Variants in SVEP1 observed in about 807,000 individuals in gnomAD.
The protein encoded by SVEP1 is sushi, von Willebrand factor type A, EGF and pentraxin domain-containing protein 1.
SVEP1 carries 164 observed loss-of-function variants against 367.3 expected under a neutral mutation model. The ratio of observed to expected loss-of-function variants is 0.45; its 90% CI spans 0.39 to 0.51. The LOEUF is 0.51. Ranked by LOEUF, SVEP1 falls within the 20% of genes least tolerant of loss-of-function variation. The pLI is 0.00. For missense variants in SVEP1, 4,117 were observed against 4,425.3 expected, an observed-to-expected ratio of 0.93 and a Z score of 1.98; for synonymous variants, 1,666 against 1,611.6, an observed-to-expected ratio of 1.03 and a Z score of -0.81.
At chr9:110,390,867 A>ATAAGAAACTTCT (rs997490322) in intron 40 of SVEP1, among the ~76,000 whole-genome samples, 3 of 152,314 alleles carry the variant, frequency 2.0e-5, no homozygotes, top group Admixed American at 1.3e-4. Flanking sequence ...AAAGAACAGT[A>ATAAGAAACTTCT]TAAGAAACTT....
chr9:110,414,887 T>A (rs1296990812), intron 36 of SVEP1, among the ~76,000 whole-genome samples: 1 of 152,024 alleles, frequency 6.6e-6, no homozygotes, highest in East Asian at 1.9e-4. Context: ...TGAACATATC[T>A]AATAATTGCA....
rs902779560 is a variant in SVEP1 at position 110,410,637 on chromosome 9, A to T, written c.6648+426T>A. 2.0e-5 allele frequency among the ~76,000 whole-genome samples: 3 copies of T among 152,248 alleles called. No homozygotes were observed. In the East Asian group the frequency reaches 5.8e-4, roughly 29 times the overall value. ...ATGCCTATACACTAGTAAAATGCAG[A>T]AAGTTATATACTAAAGATTCATAAT... On this transcript the variant is annotated intron_variant, in intron 37 of 47. Coordinates refer to ENST00000374469, the MANE Select transcript of SVEP1 (RefSeq NM_153366.4).
At position 110,579,584 on chromosome 9, in the gene SVEP1, G is replaced by A. The variant is rs1365260587; in HGVS notation, c.-41C>T. The stretch of plus-strand genomic sequence containing the variant: ...GCGGCTGCCCCGGAGCGCAGGCGGC[G>A]GCTCGGGCGGGAAGAGGCGCTGGGC... On this transcript the variant is annotated 5_prime_UTR_variant, in exon 1 of 48. Transcript: ENST00000374469. The surrounding 1 kb of genome is among the most constrained non-coding windows in gnomAD (Gnocchi z 5.3). 6.6e-7 allele frequency: 1 copy of A among 1,523,022 alleles called. No homozygotes were observed. Among genetic ancestry groups the A allele is most frequent in the Non-Finnish European group, 8.8e-7 (1 of 1,140,828 alleles). 94.3% of individuals were successfully genotyped at this position (1,523,022 alleles called of 1,614,324 possible).
intron 14 of SVEP1, among the ~76,000 whole-genome samples, 162 bp from the exon 15 acceptor site, chr9:110,472,485 A>T (rs1330785619): frequency 6.6e-6 from 1 of 152,188 alleles, no homozygotes; most frequent in Non-Finnish European, 1.5e-5. Flanking sequence ...ATATATTGTA[A>T]TTTTTGATCA....
chr9:110,492,883 A>G (rs1829390502), intron 8 of SVEP1, among the ~76,000 whole-genome samples: 1 of 152,086 alleles, frequency 6.6e-6, no homozygotes. Context: ...GCCGACACCC[A>G]TGCCTTGGAG....
At chr9:110,461,977 C>A (rs1336612688) in intron 18 of SVEP1, among the ~76,000 whole-genome samples, 2 of 152,004 alleles carry the variant, frequency 1.3e-5, no homozygotes, top group African/African-American at 4.8e-5. Context: ...AGAGTGACTG[C>A]CTATTTGGAA....
chr9:110,574,723 G>A (rs960963664), intron 1 of SVEP1, among the ~76,000 whole-genome samples: 2 of 151,172 alleles, frequency 1.3e-5, no homozygotes, highest in African/African-American at 2.4e-5. Flanking sequence ...TTTAGACAGG[G>A]ACTGAGTCCA....
intron 40 of SVEP1, among the ~76,000 whole-genome samples, chr9:110,400,172 G>A (rs1276545306): frequency 6.6e-6 from 1 of 152,164 alleles, no homozygotes; most frequent in East Asian, 1.9e-4. Context: ...AGGAAATCCT[G>A]GCTTTGCATA....
chr9:110,570,970 CTTTTTTTTTTTTT>C (rs374900472), intron 1 of SVEP1, among the ~76,000 whole-genome samples: 34,442 of 116,056 alleles, frequency 0.3, 4,726 homozygotes, highest in African/African-American at 0.41. Context: ...CAGATGGCTC[CTTTTTTTTTTTTT>C]TTTTTTTTTT....
Position 110,436,411 on chromosome 9 carries a change from T to C in SVEP1, c.4733A>G (p.Asn1578Ser), listed in dbSNP as rs751371516. The C allele has an allele frequency of 6.2e-7, 1 of 1,613,902 alleles. No individual in the cohort carries two copies. Among genetic ancestry groups the C allele is most frequent in the Non-Finnish European group, 8.5e-7 (1 of 1,179,862 alleles). The change falls in exon 28 of 48, where the codon AAC (asparagine) becomes AGC (serine). Residue 1578 changes from asparagine (N) to serine (S), a missense_variant. Physicochemically the swap from Asn to Ser is conservative, Grantham distance 46 (BLOSUM62 1). This residue lies in a region of SVEP1 where 2,174 missense variants were observed against 2,494.3 expected (regional missense o/e 0.87). Transcript: ENST00000374469. The stretch of plus-strand genomic sequence containing the variant: ...TGGAGACAGGACATAGTCCCAGAGG[T>C]TGAGCTGGCTTATGGAGCCCACAAA... ...ESFVGSISQL[N>S]LWDYVLSPQQ... is the part of the protein sequence containing the mutation.
chr9:110,578,988 G>A (rs1387157560), intron 1 of SVEP1, 25 bp downstream of exon 1: 6 of 1,544,008 alleles, frequency 3.9e-6, no homozygotes, highest in Non-Finnish European at 4.4e-6. Context: ...ACTAGGGCCC[G>A]GGTCGGGAGG....
chr9:110,549,978 T>A lies in SVEP1; in HGVS notation c.658A>T (p.Thr220Ser). The A allele has an allele frequency of 6.2e-7, 1 of 1,613,946 alleles. No individual in the cohort carries two copies. Among genetic ancestry groups the A allele is most frequent in the Non-Finnish European group, 8.5e-7 (1 of 1,179,864 alleles). ...ATGTTCCCTTGCCATATGCCAAAAG[T>A]GAAGATCTCCACTCCTGAATCTCGC... ...SLRDSGVEIF[T>S]FGIWQGNIRE... Residue 220 changes from threonine to serine, a missense_variant, in exon 2 of 48, where the codon ACT (threonine) becomes TCT (serine). Physicochemically the swap from Thr to Ser is moderately conservative, Grantham distance 58. Transcript: ENST00000374469.
At chr9:110,392,206 T>C (rs191236543) in intron 40 of SVEP1, among the ~76,000 whole-genome samples, 23 of 150,328 alleles carry the variant, frequency 1.5e-4, no homozygotes, top group Middle Eastern at 3.5e-3. Context: ...TCATGACTAA[T>C]GCAATGTCTC....
At chr9:110,481,699 G>GTTA (rs55646251) in intron 11 of SVEP1, among the ~76,000 whole-genome samples, 26,336 of 151,022 alleles carry the variant, frequency 0.17, 2,537 homozygotes, top group East Asian at 0.43. Context: ...CTGACTTGGA[G>GTTA]TTATTATTAT....
chr9:110,459,785 AT>A (rs1175910470), intron 18 of SVEP1, among the ~76,000 whole-genome samples: 1 of 151,904 alleles, frequency 6.6e-6, no homozygotes, highest in African/African-American at 2.4e-5. Context: ...GTATTATTAA[AT>A]TTTTTTTCCA....
chr9:110,376,214 T>C (rs984069), intron 45 of SVEP1, among the ~76,000 whole-genome samples: 90,845 of 152,090 alleles, frequency 0.6, 27,263 homozygotes, highest in Middle Eastern at 0.71. Context: ...TCTGTATGCA[T>C]AGCAAAGCTT....
chr9:110,403,815 A>C (rs1827908459), intron 39 of SVEP1, among the ~76,000 whole-genome samples: 1 of 150,492 alleles, frequency 6.6e-6, no homozygotes, highest in African/African-American at 2.4e-5. Flanking sequence ...TATTTATCTC[A>C]TTTCTCACCA....
intron 39 of SVEP1, among the ~76,000 whole-genome samples, chr9:110,401,494 T>A (rs1827860310): frequency 1.3e-5 from 2 of 150,742 alleles, no homozygotes; most frequent in Admixed American, 6.6e-5. Context: ...AAAAACATTT[T>A]ATCACATATT....
rs763680158 is a variant in SVEP1 at position 110,481,323 on chromosome 9, C to G, written c.2284G>C (p.Gly762Arg). ...GCACAATAATACTTGTCAGTAGACC[C>G]TTCTGTGAAATCATAGCCCTCCAAG... Reference protein sequence around the residue: ...TCLEGYDFTEGSTDKYYCAYE... With the variant: ...TCLEGYDFTERSTDKYYCAYE... The change falls in exon 12 of 48, where the codon GGG becomes CGG. Residue 762 changes from glycine to arginine, a missense_variant. By Grantham distance (125) the Gly-to-Arg change is moderately radical. This residue lies in a region of SVEP1 where 2,174 missense variants were observed against 2,494.3 expected (regional missense o/e 0.87). Transcript: ENST00000374469. The G allele has an allele frequency of 5.0e-6, 8 of 1,611,324 alleles. No homozygotes were observed. The highest frequency in any genetic ancestry group is 2.7e-5 in the African/African-American group (2 of 74,862).
Sources: gnomAD v4.1 joint callset for allele counts (sites outside exome capture counted in the v4.1 genomes callset) on GRCh38, gnomAD v4.1.1 for gene constraint, gnomAD v4.1.1 regional missense constraint, Gnocchi (gnomAD v3.1) non-coding constraint, MANE v1.5 for transcripts, NCBI Gene and HGNC (gene_info 2026-07-23, HGNC 2026-07-21) for gene names.